Variants in LSAMP observed in about 807,000 individuals in gnomAD.
LSAMP encodes limbic system-associated membrane protein.
LSAMP carries 7 observed loss-of-function variants against 38.6 expected under a neutral mutation model. That is an observed-to-expected ratio of 0.18 (90% CI 0.10 to 0.34). The LOEUF is 0.34. Among genes scored for constraint, LSAMP ranks in the 10% least tolerant of loss-of-function variants. The pLI is 1.00. For missense variants in LSAMP, 313 were observed against 420.0 expected (o/e 0.75, Z 2.23); for synonymous variants, 154 against 166.8 (o/e 0.92, Z 0.59).
In LSAMP at chr3:115,806,244, CCTTTT is replaced by C. The variant is rs1933627530; in HGVS notation, c.*4068_*4072del. On this transcript the variant is annotated 3_prime_UTR_variant, in exon 7 of 7. Transcript: ENST00000490035. ...AACAACCAAATTCAGTACTTTTCTTCCTTTTAAGATCAAAACATTATTCTTAATTT... is the reference window on the plus strand; with the variant it reads ...AACAACCAAATTCAGTACTTTTCTTCAAGATCAAAACATTATTCTTAATTT... 6.6e-6 allele frequency: 1 copy of C among 152,140 alleles called. No homozygotes were observed. The highest frequency in any genetic ancestry group is 1.5e-5 in the Non-Finnish European group (1 of 68,016). The allele number at this position is 152,140 out of a possible 1,614,324, so 9.4% of individuals were successfully genotyped here. A position where few individuals can be genotyped will look rare whatever the true frequency, so the allele number is the denominator to read the frequency against.
chr3:116,062,448 G>A (rs986415733), intron 2 of LSAMP, among the ~76,000 whole-genome samples: 21 of 152,268 alleles, frequency 1.4e-4, no homozygotes, highest in Admixed American at 4.6e-4. Flanking sequence ...CTCAGGAGGC[G>A]GAGGTTGCGG....
At chr3:116,356,219 A>G (rs2048221865) in intron 1 of LSAMP, among the ~76,000 whole-genome samples, 1 of 152,214 alleles carries the variant, frequency 6.6e-6, no homozygotes, top group Non-Finnish European at 1.5e-5. Context: ...GAAGATGTAC[A>G]TATTATATAC....
chr3:115,833,916 C>T (rs1046459775), intron 6 of LSAMP, among the ~76,000 whole-genome samples: 2 of 151,946 alleles, frequency 1.3e-5, no homozygotes, highest in African/African-American at 4.8e-5. Context: ...CTGCACCTTG[C>T]GTCTAAATAC....
chr3:116,071,053 TAATA>T (rs369537377), intron 2 of LSAMP, among the ~76,000 whole-genome samples: 35,726 of 138,584 alleles, frequency 0.26, 4,562 homozygotes, highest in Admixed American at 0.29. Context: ...AATAAATAAA[TAATA>T]AATAAATAAA....
chr3:116,393,226 A>G (rs1283153256), intron 1 of LSAMP, among the ~76,000 whole-genome samples: 1 of 152,166 alleles, frequency 6.6e-6, no homozygotes, highest in African/African-American at 2.4e-5. Flanking sequence ...AGCCCTTCAG[A>G]GAGCCCAGAC....
intron 3 of LSAMP, among the ~76,000 whole-genome samples, chr3:115,907,839 T>G (rs868197825): frequency 6.6e-6 from 1 of 152,186 alleles, no homozygotes; most frequent in South Asian, 2.1e-4. Context: ...CACCAGCTAT[T>G]GCTGAGTAAA....
chr3:116,347,052 C>A (rs2048072455), intron 1 of LSAMP, among the ~76,000 whole-genome samples: 1 of 151,964 alleles, frequency 6.6e-6, no homozygotes, highest in South Asian at 2.1e-4. Context: ...TACAGAAAAC[C>A]AACTATATAC....
chr3:116,403,566 T>A (rs2048865088), intron 1 of LSAMP, among the ~76,000 whole-genome samples: 1 of 152,142 alleles, frequency 6.6e-6, no homozygotes, highest in Non-Finnish European at 1.5e-5. Flanking sequence ...AAATCCAAAT[T>A]AATAAAATTT....
chr3:115,854,444 G>A (rs1266111255), intron 3 of LSAMP, among the ~76,000 whole-genome samples: 3 of 151,308 alleles, frequency 2.0e-5, no homozygotes, highest in Non-Finnish European at 2.9e-5. Flanking sequence ...CACTGCGCCC[G>A]GCTAATTTTT....
At chr3:116,391,258 G>A (rs543322905) in intron 1 of LSAMP, among the ~76,000 whole-genome samples, 722 of 152,110 alleles carry the variant, frequency 4.7e-3, no homozygotes, top group Non-Finnish European at 8.0e-3. Context: ...GAGCAGCTGC[G>A]GGAGCAGCAG....
At chr3:115,834,727 A>G (rs937221501) in intron 6 of LSAMP, 4 of 310,138 alleles carry the variant, frequency 1.3e-5, no homozygotes, top group African/African-American at 9.2e-5. Flanking sequence ...TATCTCTCAT[A>G]AAACATTTGT....
chr3:116,231,743 C>G (rs762313988), intron 1 of LSAMP, among the ~76,000 whole-genome samples: 3 of 151,986 alleles, frequency 2.0e-5, no homozygotes, highest in Non-Finnish European at 4.4e-5. Context: ...AATGACTTCA[C>G]GGAGAGAATG....
At chr3:116,069,984 G>C (rs1198051410) in intron 2 of LSAMP, among the ~76,000 whole-genome samples, 1 of 152,120 alleles carries the variant, frequency 6.6e-6, no homozygotes, top group Non-Finnish European at 1.5e-5. Context: ...GGACAGCTCT[G>C]ATGAAACATA....
chr3:116,169,628 CTGTT>C (rs1186962925), intron 1 of LSAMP, among the ~76,000 whole-genome samples: 4 of 152,216 alleles, frequency 2.6e-5, no homozygotes, highest in African/African-American at 4.8e-5. Context: ...AAAGCCATCA[CTGTT>C]TGTAAGGCAG....
chr3:116,369,353 G>T (rs987585041), intron 1 of LSAMP, among the ~76,000 whole-genome samples: 1 of 152,234 alleles, frequency 6.6e-6, no homozygotes, highest in African/African-American at 2.4e-5. Context: ...GCTGCAGTTT[G>T]AGCCACAACG....
chr3:116,130,122 A>G (rs896363537), intron 1 of LSAMP, among the ~76,000 whole-genome samples: 5 of 152,176 alleles, frequency 3.3e-5, no homozygotes, highest in Non-Finnish European at 7.3e-5. Context: ...GTGCTGAAAA[A>G]TATGCTTTCT....
At chr3:115,877,966 C>CCTT (rs10651320) in intron 3 of LSAMP, among the ~76,000 whole-genome samples, 73,900 of 151,632 alleles carry the variant, frequency 0.49, 18,527 homozygotes, top group Middle Eastern at 0.58. Context: ...GCTGTTTTGA[C>CCTT]CTACTACAGT....
chr3:116,023,960 A>G (rs2107693379), intron 2 of LSAMP, among the ~76,000 whole-genome samples: 1 of 152,180 alleles, frequency 6.6e-6, no homozygotes, highest in East Asian at 1.9e-4. Flanking sequence ...CTCTTCATGC[A>G]ATTACCCTCT....
intron 6 of LSAMP, among the ~76,000 whole-genome samples, chr3:115,814,840 G>A (rs1933960399): frequency 6.6e-6 from 1 of 152,064 alleles, no homozygotes; most frequent in African/African-American, 2.4e-5. Flanking sequence ...GTTTAACAAA[G>A]GAGAACAGTA....
Sources: allele counts gnomAD v4.1 joint callset (sites outside exome capture counted in the v4.1 genomes callset), GRCh38; gene constraint gnomAD v4.1.1; transcripts MANE v1.5; gene names NCBI Gene and HGNC (gene_info 2026-07-23, HGNC 2026-07-21).